Variants in ZNF589 observed in about 807,000 individuals in gnomAD.
ZNF589 encodes the protein KRAB-zinc finger protein SZF1-1.
Under a neutral mutation model 13.6 loss-of-function variants are expected in ZNF589, and 17 were observed. That is an observed-to-expected ratio of 1.25 (90% CI 0.86 to 1.88). The LOEUF is 1.88. ZNF589 is among the 40% of genes most tolerant of loss of function. The pLI, the probability that ZNF589 is intolerant of heterozygous loss-of-function variation, is 0.00. For synonymous variants in ZNF589, 148 were observed against 161.6 expected, an observed-to-expected ratio of 0.92 and a Z score of 0.64; for missense variants, 407 against 434.0, an observed-to-expected ratio of 0.94 and a Z score of 0.55.
chr3:48,246,647 A>G (rs1210667922), intron 1 of ZNF589, among the ~76,000 whole-genome samples: 2 of 151,190 alleles, frequency 1.3e-5, no homozygotes, highest in Non-Finnish European at 1.5e-5. Flanking sequence ...TAAATCACAG[A>G]CTTCTGTTTC....
In ZNF589 at chr3:48,268,415, TCA is replaced by T. The variant is rs1331280853; in HGVS notation, c.725_726del (p.Ser242Ter). 6.2e-7 allele frequency: 1 copy of T among 1,614,058 alleles called. No homozygotes were observed. Among genetic ancestry groups the T allele is most frequent in the East Asian group, 2.2e-5 (1 of 44,898 alleles). ...RQKAVTAEKS[S>X]DKRQSQVCRE... is the part of the protein sequence containing the mutation. ...GAAGGCAGTCACAGCAGAAAAATCTTCAGACAAAAGGCAGTCACAGGTGTGCA... is the reference window on the plus strand; with the variant it reads ...GAAGGCAGTCACAGCAGAAAAATCTTGACAAAAGGCAGTCACAGGTGTGCA... On this transcript the variant is annotated frameshift_variant, in exon 4 of 4. Coordinates refer to ENST00000354698, the MANE Select transcript of ZNF589 (RefSeq NM_016089.3). LOFTEE classifies it low-confidence loss of function (END_TRUNC).
In ZNF589 at chr3:48,269,261, G is replaced by C; in HGVS notation, c.*475G>C. The C allele has an allele frequency of 6.4e-7, 1 of 1,552,116 alleles. No individual in the cohort carries two copies. Among genetic ancestry groups the C allele is most frequent in the Non-Finnish European group, 8.8e-7 (1 of 1,136,036 alleles). ...CATCAGACACCAGAGGACACACACAGGAGAAAAGCCTTATGTCTGCGGAGA... is the reference window on the plus strand; with the variant it reads ...CATCAGACACCAGAGGACACACACACGAGAAAAGCCTTATGTCTGCGGAGA... On this transcript the variant is annotated 3_prime_UTR_variant, in exon 4 of 4. Coordinates refer to ENST00000354698, the MANE Select transcript of ZNF589 (RefSeq NM_016089.3).
chr3:48,262,198 A>T (rs1314570792), intron 3 of ZNF589, among the ~76,000 whole-genome samples: 10 of 151,902 alleles, frequency 6.6e-5, no homozygotes, highest in Admixed American at 2.6e-4. Flanking sequence ...TATTTTATTT[A>T]TTTTTTTTGA....
chr3:48,250,306 C>CTTT (rs34016179), intron 2 of ZNF589, among the ~76,000 whole-genome samples: 28 of 116,806 alleles, frequency 2.4e-4, no homozygotes, highest in Non-Finnish European at 3.0e-4. Context: ...TCTCTACTTT[C>CTTT]TTTTTTTTTT....
At chr3:48,243,632 T>A (rs1185483429) in intron 1 of ZNF589, among the ~76,000 whole-genome samples, 2 of 152,124 alleles carry the variant, frequency 1.3e-5, no homozygotes, top group Non-Finnish European at 2.9e-5. Context: ...GCCAACATAG[T>A]GAACCTCTAT....
chr3:48,256,494 G>T, intron 2 of ZNF589: 1 of 598,220 alleles, frequency 1.7e-6, no homozygotes. Flanking sequence ...GTCAGGTACT[G>T]GTTGAATTGG....
intron 2 of ZNF589, among the ~76,000 whole-genome samples, chr3:48,248,528 T>C (rs2033797050): frequency 1.3e-5 from 2 of 152,210 alleles, no homozygotes; most frequent in African/African-American, 4.8e-5. Flanking sequence ...CTTGTTCTGA[T>C]GTTGCATATC....
In ZNF589 at chr3:48,269,154, G is replaced by A; in HGVS notation, c.*368G>A. The stretch of plus-strand genomic sequence containing the variant: ...AACTTTAGCCTCAAGTCCGCTCTTA[G>A]TGTACATCAGAGGATACACTCTGGG... On this transcript the variant is annotated 3_prime_UTR_variant, in exon 4 of 4. Coordinates refer to ENST00000354698, the MANE Select transcript of ZNF589 (RefSeq NM_016089.3). 1.2e-6 allele frequency: 1 copy of A among 850,912 alleles called. No individual in the cohort carries two copies. The highest frequency in any genetic ancestry group is 1.6e-5 in the South Asian group (1 of 63,692). The allele number at this position is 850,912 out of a possible 1,614,324, so 52.7% of individuals were successfully genotyped here. A position where few individuals can be genotyped will look rare whatever the true frequency, so the allele number is the denominator to read the frequency against.
chr3:48,270,494 C>T lies in ZNF589; in HGVS notation c.*1708C>T, dbSNP rs2034078400. The T allele has an allele frequency of 2.8e-6, 1 of 353,362 alleles. No homozygotes were observed. Among genetic ancestry groups the T allele is most frequent in the South Asian group, 2.2e-5 (1 of 45,598 alleles). 21.9% of individuals were successfully genotyped at this position (353,362 alleles called of 1,614,324 possible). A position where few individuals can be genotyped will look rare whatever the true frequency, so the allele number is the denominator to read the frequency against. On this transcript the variant is annotated 3_prime_UTR_variant, in exon 4 of 4. Transcript: ENST00000354698. The stretch of plus-strand genomic sequence containing the variant: ...ATTACATCCAGGAATGGTGCCAGGG[C>T]CTTTAGCCATTTGTCTCTCCTCACA...
Position 48,269,547 on chromosome 3 carries a change from G to T in ZNF589, c.*761G>T. ...CCTTACGCATGCATCGAGTGTGGGC[G>T]AAACTTTAGCCACAAGTCCACTCTC... On this transcript the variant is annotated 3_prime_UTR_variant, in exon 4 of 4. Transcript: ENST00000354698. The T allele has an allele frequency of 2.9e-6, 1 of 344,512 alleles. No homozygotes were observed. 21.3% of individuals were successfully genotyped at this position (344,512 alleles called of 1,614,324 possible).
chr3:48,257,150 G>A, intron 2 of ZNF589: 1 of 389,180 alleles, frequency 2.6e-6, no homozygotes, highest in South Asian at 2.0e-5. Flanking sequence ...TTTGCTATTA[G>A]GATAATGCTG....
rs2033691699 is a variant in ZNF589, at chr3:48,241,191, A to G, written c.20A>G (p.Gln7Arg). The change falls in exon 1 of 4, where the codon CAG becomes CGG. Residue 7 changes from glutamine (Q) to arginine (R), a missense_variant. By Grantham distance (43) the Gln-to-Arg change is conservative (BLOSUM62 1). Transcript: ENST00000354698. ...GCGCAGATGTGGGCCCCGCGGGAGC[A>G]GCTACTGGGCTGGACTGCGGAAGGT... MWAPRE[Q>R]LLGWTAEALP... is the part of the protein sequence containing the mutation. 1.2e-6 allele frequency: 2 copies of G among 1,613,544 alleles called. No homozygotes were observed. Among genetic ancestry groups the G allele is most frequent in the Non-Finnish European group, 1.7e-6 (2 of 1,179,898 alleles).
intron 2 of ZNF589, among the ~76,000 whole-genome samples, chr3:48,258,129 T>C (rs1323080004): frequency 6.6e-6 from 1 of 152,236 alleles, no homozygotes; most frequent in Admixed American, 6.5e-5. Context: ...TTGACATCTT[T>C]ACTATGTTGA....
chr3:48,243,749 G>A (rs538097104), intron 1 of ZNF589, among the ~76,000 whole-genome samples: 22 of 150,412 alleles, frequency 1.5e-4, no homozygotes, highest in African/African-American at 4.9e-4. Flanking sequence ...CTTAGATCGC[G>A]CCACTGTATT....
chr3:48,264,404 G>A (rs1372435763), intron 3 of ZNF589, among the ~76,000 whole-genome samples: 2 of 150,894 alleles, frequency 1.3e-5, no homozygotes, highest in Non-Finnish European at 3.0e-5. Context: ...GAGGTGGCAC[G>A]TGCCTGTAAT....
At chr3:48,248,711 A>T (rs2033799256) in intron 2 of ZNF589, among the ~76,000 whole-genome samples, 1 of 152,224 alleles carries the variant, frequency 6.6e-6, no homozygotes, top group African/African-American at 2.4e-5. Context: ...ACAGGAAATA[A>T]TGACACTGGT....
intron 2 of ZNF589, among the ~76,000 whole-genome samples, chr3:48,254,238 G>A (rs1277773953): frequency 7.2e-5 from 11 of 152,038 alleles, no homozygotes; most frequent in African/African-American, 1.2e-4. Context: ...CCTGGGCAAC[G>A]AGTGAAACTC....
At chr3:48,260,243 TCCTCCTA>T (rs1304373929) in intron 2 of ZNF589, among the ~76,000 whole-genome samples, 2 of 152,050 alleles carry the variant, frequency 1.3e-5, no homozygotes, top group Non-Finnish European at 2.9e-5. Flanking sequence ...GATCAGGCAA[TCCTCCTA>T]CCTCAGCCTC....
Position 48,261,882 on chromosome 3 carries a change from A to G in ZNF589, c.223+943A>G, listed in dbSNP as rs113078601. On this transcript the variant is annotated intron_variant, in intron 3 of 3. Transcript: ENST00000354698. ...CATTTAAGTTAGCTTTCAATTGGCCAATCTGATTTGGTCTTGTTTCATCTG... is the reference window on the plus strand; with the variant it reads ...CATTTAAGTTAGCTTTCAATTGGCCGATCTGATTTGGTCTTGTTTCATCTG... Among the ~76,000 whole-genome samples, 329 of 152,300 alleles carry G rather than the reference A, an allele frequency of 2.2e-3. 3 individuals carry two copies. The highest frequency in any genetic ancestry group is 7.1e-3 in the African/African-American group (295 of 41,564).
Sources: gnomAD v4.1 joint callset for allele counts (sites outside exome capture counted in the v4.1 genomes callset) on GRCh38, gnomAD v4.1.1 for gene constraint, MANE v1.5 for transcripts, NCBI Gene and HGNC (gene_info 2026-07-23, HGNC 2026-07-21) for gene names.